The following TBC1D19 variants were observed in gnomAD, a reference collection of about 807,000 sequenced individuals.
TBC1D19 encodes the protein TBC1 domain family member 19.
TBC1D19 carries 60 observed loss-of-function variants against 89.0 expected under a neutral mutation model. That is an observed-to-expected ratio of 0.67 (90% CI 0.55 to 0.84). The LOEUF is 0.84. TBC1D19 is among the 40% of genes least tolerant of loss of function. TBC1D19 has a pLI of 0.00. For synonymous variants in TBC1D19, 189 were observed against 199.7 expected (o/e 0.95, Z 0.45); for missense variants, 500 against 610.8 (o/e 0.82, Z 1.91).
At chr4:26,722,154 G>T (rs1717020450) in intron 15 of TBC1D19, among the ~76,000 whole-genome samples, 1 of 152,084 alleles carries the variant, frequency 6.6e-6, no homozygotes, top group South Asian at 2.1e-4. Context: ...GGACTGTAAT[G>T]AGTATTTATT....
At chr4:26,689,517 C>T (rs556480943) in intron 13 of TBC1D19, among the ~76,000 whole-genome samples, 1 of 152,052 alleles carries the variant, frequency 6.6e-6, no homozygotes, top group Non-Finnish European at 1.5e-5. Flanking sequence ...TTTGTGGCAA[C>T]CCTGCATTGA....
the TBC1D19 span, among the ~76,000 whole-genome samples, chr4:26,788,575 A>G: frequency 2.6e-5 from 4 of 152,322 alleles, no homozygotes; most frequent in East Asian, 3.9e-4. Flanking sequence ...AACAGAGAAG[A>G]GAGAGAAAGC....
chr4:26,827,001 G>C, the TBC1D19 span, among the ~76,000 whole-genome samples: 1 of 152,128 alleles, frequency 6.6e-6, no homozygotes, highest in Non-Finnish European at 1.5e-5. Flanking sequence ...TCCTCAGGAG[G>C]TTTCACTACC....
chr4:26,677,381 C>A (rs112700328), intron 11 of TBC1D19, among the ~76,000 whole-genome samples: 1 of 150,212 alleles, frequency 6.7e-6, no homozygotes, highest in East Asian at 2.0e-4. Flanking sequence ...TGCAGTGGTG[C>A]GATCTTGGCT....
At chr4:26,594,849 G>A (rs528296857) in intron 1 of TBC1D19, among the ~76,000 whole-genome samples, 2 of 152,328 alleles carry the variant, frequency 1.3e-5, no homozygotes, top group South Asian at 4.1e-4. Context: ...CCAGCCTGGC[G>A]AAAGAGTGAG....
chr4:26,654,340 C>T (rs1744632491), intron 7 of TBC1D19, among the ~76,000 whole-genome samples: 1 of 152,146 alleles, frequency 6.6e-6, no homozygotes, highest in Admixed American at 6.5e-5. Context: ...GTGAATCTGA[C>T]AATTATGGGT....
At chr4:26,652,861 A>G (rs1164861821) in intron 7 of TBC1D19, among the ~76,000 whole-genome samples, 6 of 151,330 alleles carry the variant, frequency 4.0e-5, no homozygotes, top group Non-Finnish European at 4.4e-5. Flanking sequence ...TTGTGTCTCT[A>G]TCTCCTTCAG....
chr4:26,637,105 T>A (rs1405627559), intron 4 of TBC1D19, 106 bp from the exon 5 acceptor site: 1 of 785,896 alleles, frequency 1.3e-6, no homozygotes, highest in Non-Finnish European at 2.0e-6. Flanking sequence ...GGATAACCAA[T>A]CTCAACCAGC....
the TBC1D19 span, among the ~76,000 whole-genome samples, chr4:26,854,794 T>A: frequency 0.016 from 2,480 of 151,096 alleles, 68 homozygotes; most frequent in African/African-American, 0.058. Flanking sequence ...GCTCCTGGGA[T>A]ACTGCAGGCT....
intron 15 of TBC1D19, among the ~76,000 whole-genome samples, chr4:26,733,941 T>C (rs946220193): frequency 7.9e-5 from 12 of 152,106 alleles, no homozygotes; most frequent in African/African-American, 2.7e-4. Flanking sequence ...TAAAATAAAA[T>C]ATGGAAGCTT....
the TBC1D19 span, among the ~76,000 whole-genome samples, chr4:26,848,827 A>C: frequency 6.6e-6 from 1 of 152,220 alleles, no homozygotes; most frequent in Admixed American, 6.5e-5. Flanking sequence ...TTATATAGAA[A>C]TAGGCTTTTA....
At chr4:26,764,881 A>G in the TBC1D19 span, among the ~76,000 whole-genome samples, 10 of 152,182 alleles carry the variant, frequency 6.6e-5, no homozygotes, top group Non-Finnish European at 1.5e-4. Flanking sequence ...AGAATGTGAT[A>G]TTTGCATTTG....
chr4:26,587,896 C>T (rs541949717), intron 1 of TBC1D19, among the ~76,000 whole-genome samples: 21 of 151,860 alleles, frequency 1.4e-4, no homozygotes, highest in South Asian at 6.2e-4. Flanking sequence ...AAGAAGTTGC[C>T]GCACTTAATT....
the TBC1D19 span, among the ~76,000 whole-genome samples, chr4:26,790,619 CAG>C: frequency 6.6e-6 from 1 of 152,070 alleles, no homozygotes; most frequent in Non-Finnish European, 1.5e-5. Flanking sequence ...CAGTTGGCCA[CAG>C]AGTTTTATTT....
chr4:26,688,691 C>G (rs1714027040), intron 13 of TBC1D19, among the ~76,000 whole-genome samples: 1 of 152,056 alleles, frequency 6.6e-6, no homozygotes, highest in South Asian at 2.1e-4. Context: ...ATGCTTAAAT[C>G]AGATGTCAAA....
chr4:26,710,517 C>T (rs974156201), intron 13 of TBC1D19, among the ~76,000 whole-genome samples: 6 of 152,106 alleles, frequency 3.9e-5, no homozygotes, highest in Admixed American at 1.3e-4. Flanking sequence ...TTTATAGCAG[C>T]ATGATTTATA....
chr4:26,641,534 C>CAGCTCCTTGCCAGCAGT (rs1267614571), intron 7 of TBC1D19, among the ~76,000 whole-genome samples: 1 of 152,218 alleles, frequency 6.6e-6, no homozygotes, highest in Non-Finnish European at 1.5e-5. Flanking sequence ...CAAAGGATCG[C>CAGCTCCTTGCCAGCAGT]AGCTCCTTGC....
chr4:26,821,667 A>C, the TBC1D19 span, among the ~76,000 whole-genome samples: 1 of 152,210 alleles, frequency 6.6e-6, no homozygotes, highest in Non-Finnish European at 1.5e-5. Context: ...TTGCCTGCGA[A>C]TGCAGGTCCT....
At chr4:26,809,508 C>T in the TBC1D19 span, among the ~76,000 whole-genome samples, 1 of 152,180 alleles carries the variant, frequency 6.6e-6, no homozygotes, top group African/African-American at 2.4e-5. Flanking sequence ...CTCTTTCCCT[C>T]AACTCTGGCT....
Sources: allele counts gnomAD v4.1 joint callset (sites outside exome capture counted in the v4.1 genomes callset), GRCh38; gene constraint gnomAD v4.1.1; transcripts MANE v1.5; gene names NCBI Gene and HGNC (gene_info 2026-07-23, HGNC 2026-07-21).